The following ANK1 variants were observed in gnomAD, a reference collection of about 807,000 sequenced individuals.
ANK1 encodes ankyrin-1.
ANK1 carries 51 observed loss-of-function variants against 210.4 expected under a neutral mutation model. The ratio of observed to expected loss-of-function variants is 0.24; its 90% confidence interval spans 0.19 to 0.31. The LOEUF (loss-of-function observed/expected upper bound fraction) is 0.31. Among genes scored for constraint, ANK1 ranks in the 10% least tolerant of loss-of-function variants. The pLI, the probability that ANK1 is intolerant of heterozygous loss-of-function variation, is 1.00. For synonymous variants in ANK1, 967 were observed against 1,025.9 expected (o/e 0.94, Z 1.10); for missense variants, 2,051 against 2,504.4 (o/e 0.82, Z 3.86).
chr8:41,692,826 G>A lies in ANK1; in HGVS notation c.3680C>T (p.Thr1227Ile), dbSNP rs768032535. 1 of 1,614,120 alleles carries A rather than the reference G, an allele frequency of 6.2e-7. No homozygotes were observed. Among genetic ancestry groups the A allele is most frequent in the East Asian group, 2.2e-5 (1 of 44,882 alleles). Residue 1227 changes from threonine to isoleucine, a missense_variant, in exon 31 of 43, where the codon ACC becomes ATC. Around this residue, in one of 6 missense-constraint regions of ANK1, gnomAD observed 1,413 missense variants for 1,707.4 expected, o/e 0.83. Transcript: ENST00000289734. The stretch of plus-strand genomic sequence containing the variant: ...TGCAGTGAGCTCTTTGTACAGCAGG[G>A]TGGCAAAGTTCACAGCCTCAGCAGT... ...PRTAEAVNFA[T>I]LLYKELTAVP...
At chr8:41,849,408 C>T (rs555436541) in intron 1 of ANK1, among the ~76,000 whole-genome samples, 2 of 152,108 alleles carry the variant, frequency 1.3e-5, no homozygotes, top group South Asian at 4.2e-4. Flanking sequence ...CCTATAATCC[C>T]AGCTACCAGG....
intron 27 of ANK1, among the ~76,000 whole-genome samples, 169 bp downstream of exon 27, chr8:41,695,008 G>A (rs960652157): frequency 2.0e-5 from 3 of 152,164 alleles, no homozygotes; most frequent in Non-Finnish European, 4.4e-5. Flanking sequence ...GGCAGCCGCT[G>A]AGCATCCTCT....
chr8:41,856,864 T>A (rs1288143170), intron 1 of ANK1, among the ~76,000 whole-genome samples: 1 of 149,854 alleles, frequency 6.7e-6, no homozygotes, highest in Non-Finnish European at 1.5e-5. Context: ...CCTTGGTGCT[T>A]AACAGCCCTC....
intron 1 of ANK1, chr8:41,788,773 CT>C (rs1323517647): frequency 1.3e-5 from 2 of 152,208 alleles, no homozygotes; most frequent in Non-Finnish European, 2.9e-5. Context: ...CAGATGGGGG[CT>C]TTCTGAAGCC....
chr8:41,661,796 A>G (rs1808331614), intron 41 of ANK1, 80 bp downstream of exon 41: 1 of 1,613,712 alleles, frequency 6.2e-7, no homozygotes, highest in Non-Finnish European at 8.5e-7. Flanking sequence ...CGGGCGCCTC[A>G]GTACCTTGGA....
chr8:41,892,911 C>T (rs755674954), intron 1 of ANK1, among the ~76,000 whole-genome samples: 32 of 152,130 alleles, frequency 2.1e-4, no homozygotes, highest in Non-Finnish European at 4.1e-4. Context: ...CACCATCAGA[C>T]GATGAAGTAG....
chr8:41,890,015 C>T (rs1421420252), intron 1 of ANK1, among the ~76,000 whole-genome samples: 2 of 152,206 alleles, frequency 1.3e-5, no homozygotes, highest in Non-Finnish European at 2.9e-5. Flanking sequence ...GAATAACAAG[C>T]TGGCCTTCCC....
intron 37 of ANK1, among the ~76,000 whole-genome samples, chr8:41,678,479 G>C (rs561544761): frequency 6.6e-6 from 1 of 152,284 alleles, no homozygotes; most frequent in South Asian, 2.1e-4. Flanking sequence ...CTTCTTTTCT[G>C]TTGGGAACTG....
chr8:41,880,012 A>G (rs142412739), intron 1 of ANK1, among the ~76,000 whole-genome samples: 16 of 152,382 alleles, frequency 1.0e-4, no homozygotes, highest in African/African-American at 3.8e-4. Context: ...AACAACAAGC[A>G]TTTAACCCAG....
At position 41,770,378 on chromosome 8, in the gene ANK1, T is replaced by A. The variant is rs1037545010; in HGVS notation, c.28-12241A>T. On this transcript the variant is annotated intron_variant, in intron 1 of 42. Transcript: ENST00000289734. ...TATTGAGTTTTGAGAGTTCTATCTA[T>A]ACAGAATATCTGTCTTAAAGGTGAG... Among the ~76,000 whole-genome samples, 211 of 152,370 alleles carry A rather than the reference T, an allele frequency of 1.4e-3. 2 individuals carry two copies. Among genetic ancestry groups the A allele is most frequent in the Non-Finnish European group, 2.6e-4 (18 of 68,036 alleles).
At chr8:41,879,137 A>G (rs1817137571) in intron 1 of ANK1, among the ~76,000 whole-genome samples, 1 of 152,206 alleles carries the variant, frequency 6.6e-6, no homozygotes, top group African/African-American at 2.4e-5. Flanking sequence ...CCAGTGGAAG[A>G]GAAGCCATAG....
chr8:41,749,935 A>G (rs561459687), intron 2 of ANK1, among the ~76,000 whole-genome samples: 101 of 152,160 alleles, frequency 6.6e-4, no homozygotes, highest in Non-Finnish European at 1.2e-3. Context: ...CTTAAGCCCA[A>G]CTCCCCAAAT....
rs541336490 is a variant in ANK1, at chr8:41,821,611, G to C, written c.127-63474C>G. Among the ~76,000 whole-genome samples the C allele has an allele frequency of 2.9e-4, 44 of 152,198 alleles. 1 individual carries two copies. Among genetic ancestry groups the C allele is most frequent in the Non-Finnish European group, 5.1e-4 (35 of 68,038 alleles). ...GAGTATCGTAAAGGAAATGAGTTTA[G>C]TTGGCCATGACTTCCTCCTGGTGAA... On this transcript the variant is annotated intron_variant, in intron 1 of 42. Coordinates refer to the ANK1 transcript ENST00000265709.
At chr8:41,814,697 ATTTT>A (rs1050800155) in intron 1 of ANK1, among the ~76,000 whole-genome samples, 11 of 149,762 alleles carry the variant, frequency 7.3e-5, no homozygotes, top group African/African-American at 2.7e-4. Context: ...ATTTATTTTT[ATTTT>A]TTTATTTTTT....
intron 20 of ANK1, 113 bp from the exon 21 acceptor site, chr8:41,702,257 T>A: frequency 7.4e-6 from 6 of 813,456 alleles, no homozygotes; most frequent in South Asian, 1.6e-5. Context: ...AGGACCTGAG[T>A]GGACAGACGT....
chr8:41,797,424 C>A lies in ANK1; in HGVS notation c.27+88G>T, dbSNP rs1248999064. ...GAGGCGGGTGGGGTGTGCAAAGCTG[C>A]TCTTGCTCGCGTGCTGCCTACTGGC... is the stretch of plus-strand genomic sequence containing the variant. On this transcript the variant is annotated intron_variant, in intron 1 of 42. Transcript: ENST00000289734. This position sits in a 1 kb window ranked among gnomAD's most constrained non-coding sequence, Gnocchi z 4.0. The A allele has an allele frequency of 2.4e-6, 3 of 1,263,842 alleles. No homozygotes were observed. Among genetic ancestry groups the A allele is most frequent in the South Asian group, 2.6e-5 (2 of 77,886 alleles). The allele number at this position is 1,263,842 out of a possible 1,614,324, so 78.3% of individuals were successfully genotyped here. A position where few individuals can be genotyped will look rare whatever the true frequency, so the allele number is the denominator to read the frequency against.
intron 1 of ANK1, among the ~76,000 whole-genome samples, chr8:41,760,989 T>C (rs1046848550): frequency 5.9e-5 from 9 of 151,956 alleles, no homozygotes; most frequent in African/African-American, 1.9e-4. Flanking sequence ...AAGGTGACCT[T>C]ATTTGAAAAA....
chr8:41,723,356 G>T, intron 8 of ANK1, 133 bp from the exon 9 acceptor site: 1 of 1,183,110 alleles, frequency 8.5e-7, no homozygotes, highest in Non-Finnish European at 1.2e-6. Context: ...CTCGACCTCA[G>T]CACAGTTTTA....
At chr8:41,698,225 G>A (rs538636664) in intron 23 of ANK1, 104 bp from the exon 24 acceptor site, 2 of 1,120,154 alleles carry the variant, frequency 1.8e-6, no homozygotes, top group African/African-American at 3.1e-5. Flanking sequence ...CCACTCCAGA[G>A]CCTGACTGCG....
Sources: allele counts gnomAD v4.1 joint callset (sites outside exome capture counted in the v4.1 genomes callset), GRCh38; gene constraint gnomAD v4.1.1; regional missense constraint gnomAD v4.1.1; non-coding constraint Gnocchi (gnomAD v3.1); transcripts MANE v1.5; gene names NCBI Gene and HGNC (gene_info 2026-07-23, HGNC 2026-07-21).